Variants in KNTC1 observed in about 807,000 individuals in gnomAD.
KNTC1 encodes the protein kinetochore-associated protein 1.
KNTC1 carries 253 observed loss-of-function variants against 314.4 expected under a neutral mutation model. The observed-to-expected ratio is 0.80, with a 90% CI of 0.73 to 0.89. The LOEUF (loss-of-function observed/expected upper bound fraction) is 0.89, where lower values mean the gene tolerates loss of function less well. Ranked by LOEUF, KNTC1 falls within the 40% of genes least tolerant of loss-of-function variation. The pLI is 0.00. For synonymous variants in KNTC1, 901 were observed against 901.4 expected, an observed-to-expected ratio of 1.00 and a Z score of 0.01; for missense variants, 2,475 against 2,572.9, an observed-to-expected ratio of 0.96 and a Z score of 0.82.
At chr12:122,530,960 ATT>A (rs1202933902) in intron 2 of KNTC1, among the ~76,000 whole-genome samples, 1 of 151,816 alleles carries the variant, frequency 6.6e-6, no homozygotes, top group East Asian at 1.9e-4. Flanking sequence ...CTGAAACCTT[ATT>A]CTTTGCATTC....
In KNTC1 at chr12:122,591,399, G is replaced by C. The variant is rs191910729; in HGVS notation, c.4191G>C (p.Lys1397Asn). The part of the protein sequence containing the change: ...SLYQEIEMGL[K>N]FRELSTDAQW... ...ATCAGGAAATAGAAATGGGGCTTAA[G>C]TTCCGTGAACTCAGTACTGATGCCC... Residue 1397 changes from lysine (K) to asparagine (N), a missense_variant, in exon 42 of 64, where the codon AAG becomes AAC. By Grantham distance (94) the Lys-to-Asn change is moderately conservative (BLOSUM62 0). Coordinates refer to ENST00000333479, the MANE Select transcript of KNTC1 (RefSeq NM_014708.6). The C allele has an allele frequency of 7.4e-6, 12 of 1,612,586 alleles. No individual in the cohort carries two copies. In the African/African-American group the frequency reaches 1.3e-4, roughly 18 times the overall value.
At chr12:122,623,464 A>G (rs780144888) in intron 62 of KNTC1, among the ~76,000 whole-genome samples, 1 of 152,148 alleles carries the variant, frequency 6.6e-6, no homozygotes, top group Non-Finnish European at 1.5e-5. Context: ...ATGGATTTCC[A>G]TCTGCTTGTT....
At chr12:122,619,305 C>G (rs572590737) in intron 59 of KNTC1, among the ~76,000 whole-genome samples, 30 of 151,554 alleles carry the variant, frequency 2.0e-4, no homozygotes, top group African/African-American at 7.3e-4. Flanking sequence ...GCTGGGATTA[C>G]AGGCATGCGT....
intron 42 of KNTC1, 49 bp from the exon 43 acceptor site, chr12:122,594,227 T>C: frequency 9.7e-7 from 1 of 1,035,120 alleles, no homozygotes; most frequent in Admixed American, 1.8e-5. Flanking sequence ...CTCTGATACA[T>C]TTCAGTGTAG....
intron 24 of KNTC1, 27 bp downstream of exon 24, chr12:122,571,153 A>G: frequency 6.6e-7 from 1 of 1,510,960 alleles, no homozygotes; most frequent in South Asian, 1.1e-5. Flanking sequence ...GATTTTTAGT[A>G]ATGAAACAGT....
intron 6 of KNTC1, 142 bp downstream of exon 6, chr12:122,542,269 A>G (rs1303757789): frequency 1.2e-5 from 7 of 577,046 alleles, no homozygotes; most frequent in Middle Eastern, 5.3e-4. Context: ...ACTGTTAAGT[A>G]TTCAGAATAC....
chr12:122,582,536 G>T (rs1868570380), intron 33 of KNTC1, among the ~76,000 whole-genome samples, 169 bp from the exon 34 acceptor site: 1 of 151,912 alleles, frequency 6.6e-6, no homozygotes, highest in Non-Finnish European at 1.5e-5. Context: ...GGGATCAGTT[G>T]TACCTCAAGC....
At chr12:122,584,742 T>A (rs990188879) in intron 35 of KNTC1, 151 bp from the exon 36 acceptor site, 1 of 559,616 alleles carries the variant, frequency 1.8e-6, no homozygotes, top group African/African-American at 1.9e-5. Context: ...AGAAAAAATT[T>A]AACTTTTTAG....
At chr12:122,605,790 T>C (rs1872522895) in intron 51 of KNTC1, among the ~76,000 whole-genome samples, 1 of 152,128 alleles carries the variant, frequency 6.6e-6, no homozygotes, top group Admixed American at 6.6e-5. Context: ...GTGATCCTCC[T>C]GCCTCAGCCT....
At chr12:122,622,438 T>G (rs752925458) in intron 61 of KNTC1, 24 bp from the exon 62 acceptor site, 5 of 1,511,322 alleles carry the variant, frequency 3.3e-6, no homozygotes, top group Non-Finnish European at 3.6e-6. Flanking sequence ...AAGTCTGATC[T>G]TAATGATACC....
chr12:122,543,023 G>A (rs985531494), intron 6 of KNTC1, among the ~76,000 whole-genome samples: 1 of 151,848 alleles, frequency 6.6e-6, no homozygotes, highest in Non-Finnish European at 1.5e-5. Flanking sequence ...AGTGATTCTT[G>A]TGCCTCAGTC....
In KNTC1 at chr12:122,605,025, G is replaced by A; in HGVS notation, c.5324G>A (p.Ser1775Asn). Reference sequence around the variant, plus strand: ...GGAAAGCCAGCACATCTTATTGTCAGTCTCTACGAACATCCTAGCATCAAT... The same window carrying A: ...GGAAAGCCAGCACATCTTATTGTCAATCTCTACGAACATCCTAGCATCAAT... ...VIGKPAHLIV[S>N]LYEHPSINQR... is the part of the protein sequence containing the mutation. Residue 1775 changes from serine to asparagine, a missense_variant, in exon 50 of 64, where the codon AGT becomes AAT. Transcript: ENST00000333479. 2 of 1,613,382 alleles carry A rather than the reference G, an allele frequency of 1.2e-6. No individual in the cohort carries two copies. Among genetic ancestry groups the A allele is most frequent in the Non-Finnish European group, 1.7e-6 (2 of 1,179,690 alleles).
At chr12:122,583,124 AC>A in intron 34 of KNTC1, 139 bp downstream of exon 34, 2 of 745,606 alleles carry the variant, frequency 2.7e-6, no homozygotes, top group Non-Finnish European at 4.3e-6. Flanking sequence ...ATCCTGGCTA[AC>A]ATGGTGAAAC....
At chr12:122,624,821 A>G in intron 63 of KNTC1, 133 bp downstream of exon 63, 1 of 726,120 alleles carries the variant, frequency 1.4e-6, no homozygotes, top group South Asian at 1.4e-5. Context: ...TTTATATTTT[A>G]CTTTTTGTGT....
chr12:122,562,736 A>AGACACCATGCC, intron 20 of KNTC1, 37 bp downstream of exon 20: 3 of 1,265,992 alleles, frequency 2.4e-6, no homozygotes, highest in Non-Finnish European at 3.4e-6. Context: ...TAGGCCAGGC[A>AGACACCATGCC]TGGTGTCTCA....
At position 122,590,665 on chromosome 12, in the gene KNTC1, C is replaced by T; in HGVS notation, c.4058C>T (p.Pro1353Leu). 1.2e-6 allele frequency: 2 copies of T among 1,613,488 alleles called. No individual in the cohort carries two copies. The highest frequency in any genetic ancestry group is 1.7e-4 in the Middle Eastern group (1 of 6,060). ...GCGTTGGGTTACTGCACTCTCTTACCTCAAAAAGATGTGTTTGAAAATCTC... is the reference window on the plus strand; with the variant it reads ...GCGTTGGGTTACTGCACTCTCTTACTTCAAAAAGATGTGTTTGAAAATCTC... ...DLALGYCTLL[P>L]QKDVFENLWK... The change falls in exon 41 of 64, where the codon CCT becomes CTT. Residue 1353 changes from proline to leucine, a missense_variant. Physicochemically the swap from Pro to Leu is moderately conservative, Grantham distance 98. Transcript: ENST00000333479.
chr12:122,534,472 T>C (rs1200271772), intron 2 of KNTC1, among the ~76,000 whole-genome samples, 192 bp from the exon 3 acceptor site: 16 of 152,184 alleles, frequency 1.1e-4, no homozygotes, highest in Admixed American at 1.0e-3. Context: ...GTTTTTCTAC[T>C]TAGGATCCTG....
chr12:122,605,305 G>T lies in KNTC1; in HGVS notation c.5387-1G>T. 1 of 1,558,648 alleles carries T rather than the reference G, an allele frequency of 6.4e-7. No individual in the cohort carries two copies. The highest frequency in any genetic ancestry group is 1.2e-5 in the South Asian group (1 of 85,240). On this transcript the variant is annotated splice_acceptor_variant, in intron 50 of 63. Transcript: ENST00000333479. LOFTEE classifies it high-confidence loss of function. ...TCTTTTCTTTATTTTGAATATCTTA[G>T]ATATTCATGCAGCAGCTAAAGAAAT...
intron 27 of KNTC1, among the ~76,000 whole-genome samples, chr12:122,574,708 TA>T (rs1206890428): frequency 6.6e-6 from 1 of 152,234 alleles, no homozygotes; most frequent in African/African-American, 2.4e-5. Context: ...TTCATTCTCC[TA>T]AAGTGTCTGT....
Sources: allele counts gnomAD v4.1 joint callset (sites outside exome capture counted in the v4.1 genomes callset), GRCh38; gene constraint gnomAD v4.1.1; transcripts MANE v1.5; gene names NCBI Gene and HGNC (gene_info 2026-07-23, HGNC 2026-07-21).